Variants in DYNC2I1 observed in about 807,000 individuals in gnomAD.
DYNC2I1 encodes dynein 2 intermediate chain 1, also known as cytoplasmic dynein 2 intermediate chain 1.
A neutral mutation model predicts 133.4 loss-of-function variants in DYNC2I1; 89 were observed. That is an observed-to-expected ratio of 0.67 (90% confidence interval 0.56 to 0.80). DYNC2I1 has a LOEUF of 0.80. DYNC2I1 is among the 30% of genes least tolerant of loss of function. The pLI, the probability that DYNC2I1 is intolerant of heterozygous loss-of-function variation, is 0.00. For synonymous variants in DYNC2I1, 504 were observed against 484.3 expected (o/e 1.04, Z -0.54); for missense variants, 1,291 against 1,314.5 (o/e 0.98, Z 0.28).
At chr7:158,928,926 T>C (rs1049177821) in intron 20 of DYNC2I1, among the ~76,000 whole-genome samples, 2 of 152,204 alleles carry the variant, frequency 1.3e-5, no homozygotes, top group Non-Finnish European at 2.9e-5. Context: ...CGGATGGTAC[T>C]GAGATCATTT....
chr7:158,881,451 T>A (rs1423408008), intron 5 of DYNC2I1, among the ~76,000 whole-genome samples: 1 of 152,070 alleles, frequency 6.6e-6, no homozygotes. Flanking sequence ...TTTTATTTAT[T>A]TTTATTTATT....
At chr7:158,914,372 C>A in intron 14 of DYNC2I1, 51 bp downstream of exon 14, 1 of 1,440,096 alleles carries the variant, frequency 6.9e-7, no homozygotes, top group Non-Finnish European at 9.5e-7. Context: ...CTTAAAGTTT[C>A]ATTCTACATA....
At chr7:158,916,162 T>G (rs1848244255) in intron 14 of DYNC2I1, among the ~76,000 whole-genome samples, 1 of 82,100 alleles carries the variant, frequency 1.2e-5, no homozygotes, top group Admixed American at 1.2e-4. Flanking sequence ...ACATTAAGGA[T>G]GATTGTGAAA....
intron 5 of DYNC2I1, among the ~76,000 whole-genome samples, chr7:158,881,339 G>C (rs1314255811): frequency 6.6e-6 from 1 of 152,168 alleles, no homozygotes; most frequent in African/African-American, 2.4e-5. Context: ...CCGCGTCTAC[G>C]GTGTGGAAAG....
chr7:158,957,724 C>T (rs928938868), downstream of DYNC2I1, among the ~76,000 whole-genome samples: 1 of 152,164 alleles, frequency 6.6e-6, no homozygotes, highest in African/African-American at 2.4e-5. Context: ...ATCGAGCCTC[C>T]CCGGGGAGCA....
chr7:158,934,003 CCA>C (rs1850489565), intron 21 of DYNC2I1, 124 bp from the exon 22 acceptor site: 1 of 675,000 alleles, frequency 1.5e-6, no homozygotes, highest in African/African-American at 1.9e-5. Context: ...GTGGCTAAAC[CCA>C]CAGAGGAATG....
At chr7:158,868,664 T>C (rs1842623264) in intron 1 of DYNC2I1, among the ~76,000 whole-genome samples, 2 of 152,186 alleles carry the variant, frequency 1.3e-5, no homozygotes, top group Non-Finnish European at 2.9e-5. Context: ...GGCCCACCAG[T>C]TGCCCAGTGT....
intron 1 of DYNC2I1, among the ~76,000 whole-genome samples, chr7:158,860,907 G>A (rs1841815481): frequency 6.6e-6 from 1 of 152,194 alleles, no homozygotes; most frequent in South Asian, 2.1e-4. Context: ...CTACAGTGGG[G>A]TCTCCAAGGT....
intron 5 of DYNC2I1, among the ~76,000 whole-genome samples, chr7:158,882,574 CCTT>C (rs1246343605): frequency 1.3e-5 from 2 of 151,770 alleles, no homozygotes; most frequent in Non-Finnish European, 2.9e-5. Context: ...TACAGTAAGA[CCTT>C]GTCTTAAAAA....
chr7:158,884,244 C>T (rs970183450), intron 5 of DYNC2I1, among the ~76,000 whole-genome samples: 3 of 151,352 alleles, frequency 2.0e-5, no homozygotes, highest in Non-Finnish European at 4.4e-5. Context: ...GGGGTTTCTC[C>T]GTGTTGGTCA....
At chr7:158,869,598 T>G (rs1410067427) in intron 1 of DYNC2I1, 32 of 520,230 alleles carry the variant, frequency 6.2e-5, no homozygotes, top group South Asian at 3.9e-4. Flanking sequence ...ATAACTTGTT[T>G]TCACTTTTAT....
At chr7:158,887,471 G>A (rs1473760582) in intron 7 of DYNC2I1, among the ~76,000 whole-genome samples, 1 of 152,094 alleles carries the variant, frequency 6.6e-6, no homozygotes, top group Admixed American at 6.5e-5. Context: ...AACACAAGCA[G>A]CAAAAACTGA....
At chr7:158,929,419 C>T (rs1209662155) in intron 20 of DYNC2I1, among the ~76,000 whole-genome samples, 1 of 149,794 alleles carries the variant, frequency 6.7e-6, no homozygotes, top group African/African-American at 2.5e-5. Flanking sequence ...TGGGCGGTGG[C>T]GTGTAGGGGC....
chr7:158,914,241 CAA>C lies in DYNC2I1; in HGVS notation c.1713_1714del (p.Asp573TyrfsTer3), dbSNP rs1563158401. 1 of 1,610,208 alleles carries C rather than the reference CAA, an allele frequency of 6.2e-7. No homozygotes were observed. ...ESTVVSGGSE[Q>X]RDTSDAVVMP... ...TAAACTGTTTTTTTTAGGCAGTGAA[CAA>C]AGAGATACCTCTGATGCTGTAGTTA... is the stretch of plus-strand genomic sequence containing the variant. On this transcript the variant is annotated frameshift_variant, in exon 14 of 25. Transcript: ENST00000407559. LOFTEE classifies it high-confidence loss of function.
downstream of DYNC2I1, among the ~76,000 whole-genome samples, chr7:158,951,148 T>G (rs1182937468): frequency 1.3e-5 from 2 of 152,362 alleles, no homozygotes; most frequent in East Asian, 1.9e-4. Flanking sequence ...TTCTGATGGT[T>G]GTTTTGTCTC....
At chr7:158,858,026 G>A (rs1475576878) in intron 1 of DYNC2I1, among the ~76,000 whole-genome samples, 3 of 151,918 alleles carry the variant, frequency 2.0e-5, no homozygotes, top group South Asian at 2.1e-4. Context: ...CCTGACCTCC[G>A]GTGATCCGCC....
chr7:158,918,635 A>C (rs1264635658), intron 14 of DYNC2I1, 105 bp from the exon 15 acceptor site: 1 of 1,317,006 alleles, frequency 7.6e-7, no homozygotes, highest in East Asian at 2.3e-5. Flanking sequence ...TCATGGATCT[A>C]AGCAGTTATT....
At chr7:158,909,357 A>G (rs971079735) in intron 11 of DYNC2I1, among the ~76,000 whole-genome samples, 3 of 145,558 alleles carry the variant, frequency 2.1e-5, no homozygotes, top group Non-Finnish European at 3.0e-5. Context: ...AAAAAAAAAG[A>G]TAATACTTCA....
At chr7:158,851,415 A>C in the DYNC2I1 span, among the ~76,000 whole-genome samples, 2 of 138,364 alleles carry the variant, frequency 1.4e-5, no homozygotes, top group Non-Finnish European at 3.0e-5. Flanking sequence ...TGGTGCCTGT[A>C]ATCCCAGCAA....
Sources: gnomAD v4.1 joint callset for allele counts (sites outside exome capture counted in the v4.1 genomes callset) on GRCh38, gnomAD v4.1.1 for gene constraint, MANE v1.5 for transcripts, NCBI Gene and HGNC (gene_info 2026-07-23, HGNC 2026-07-21) for gene names.